Variants in FTO observed in about 807,000 individuals in gnomAD.
FTO encodes the protein alpha-ketoglutarate-dependent dioxygenase FTO.
A neutral mutation model predicts 63.9 loss-of-function variants in FTO; 47 were observed. The observed-to-expected ratio is 0.74, with a 90% CI of 0.58 to 0.94. FTO has a LOEUF of 0.94. FTO is among the 40% of genes least tolerant of loss of function. FTO has a pLI of 0.00. For missense variants in FTO, 562 were observed against 618.1 expected, an observed-to-expected ratio of 0.91 and a Z score of 0.96; for synonymous variants, 207 against 224.4, an observed-to-expected ratio of 0.92 and a Z score of 0.69.
intron 1 of FTO, among the ~76,000 whole-genome samples, chr16:53,741,130 C>T (rs1484029007): frequency 6.6e-6 from 1 of 152,150 alleles, no homozygotes; most frequent in African/African-American, 2.4e-5. Context: ...TGAAACATAG[C>T]CATGCTCATT....
chr16:53,904,025 G>A (rs920965122), intron 7 of FTO, among the ~76,000 whole-genome samples: 1 of 151,262 alleles, frequency 6.6e-6, no homozygotes, highest in African/African-American at 2.4e-5. Flanking sequence ...TATAAACATA[G>A]ACAATATACA....
At chr16:53,812,442 C>T (rs755546832) in intron 2 of FTO, among the ~76,000 whole-genome samples, 1 of 151,858 alleles carries the variant, frequency 6.6e-6, no homozygotes, top group South Asian at 2.1e-4. Flanking sequence ...AGGCTGGTCT[C>T]GAACTCCTGA....
chr16:53,723,772 C>G (rs918664566), intron 1 of FTO, among the ~76,000 whole-genome samples: 3 of 152,138 alleles, frequency 2.0e-5, no homozygotes, highest in Admixed American at 6.5e-5. Context: ...GAGTGGTAAC[C>G]TAGGTTTAGG....
intron 2 of FTO, among the ~76,000 whole-genome samples, chr16:53,824,405 TC>T (rs2151770362): frequency 6.6e-6 from 1 of 152,354 alleles, no homozygotes; most frequent in South Asian, 2.1e-4. Context: ...TGCCTTCTTT[TC>T]CTGAAGATCT....
rs138099503 is a variant in FTO at position 53,835,662 on chromosome 16, A to G, written c.752-8493A>G. ...GATATTTTTCACTCATTTTACTGTC[A>G]TTGTGTAGGGCTTTCAATCATGCCC... On this transcript the variant is annotated intron_variant, in intron 3 of 8. Coordinates refer to ENST00000471389, the MANE Select transcript of FTO (RefSeq NM_001080432.3). Among the ~76,000 whole-genome samples the G allele has an allele frequency of 2.0e-5, 3 of 151,834 alleles. No homozygotes were observed. In the East Asian group the frequency reaches 5.8e-4, roughly 29 times the overall value.
At chr16:53,905,378 A>T (rs1285997421) in intron 7 of FTO, among the ~76,000 whole-genome samples, 1 of 152,130 alleles carries the variant, frequency 6.6e-6, no homozygotes, top group African/African-American at 2.4e-5. Context: ...TAATAATAGT[A>T]TCTCCCTTAG....
chr16:53,854,851 A>G (rs2079933437), intron 4 of FTO, among the ~76,000 whole-genome samples: 1 of 152,034 alleles, frequency 6.6e-6, no homozygotes, highest in Admixed American at 6.5e-5. Context: ...GAATTGCATC[A>G]AGTCTGTAAA....
chr16:53,714,760 T>C (rs2075853290), intron 1 of FTO, among the ~76,000 whole-genome samples: 1 of 152,144 alleles, frequency 6.6e-6, no homozygotes, highest in Non-Finnish European at 1.5e-5. Flanking sequence ...ATTGTTCTCA[T>C]AAAACACGAT....
Position 53,777,289 on chromosome 16 carries a change from AT to A in FTO, c.46-32847del, listed in dbSNP as rs2077483255. Among the ~76,000 whole-genome samples the A allele has an allele frequency of 2.6e-5, 4 of 152,118 alleles. No individual in the cohort carries two copies. In the South Asian group the frequency reaches 8.3e-4, roughly 32 times the overall value. On this transcript the variant is annotated intron_variant, in intron 1 of 8. Transcript: ENST00000471389. ...TGAGTTTGACTTTTTTAGATTCCAT[AT>A]TTTAGGGAGATCTGTACCTGGCTTA...
chr16:53,731,876 T>A (rs1598512141), intron 1 of FTO, among the ~76,000 whole-genome samples: 1 of 151,290 alleles, frequency 6.6e-6, no homozygotes, highest in Non-Finnish European at 1.5e-5. Flanking sequence ...GCCTCCCGAG[T>A]AGCTGGGACT....
intron 3 of FTO, among the ~76,000 whole-genome samples, chr16:53,838,606 A>G (rs1380240286): frequency 6.6e-6 from 1 of 152,186 alleles, no homozygotes; most frequent in Non-Finnish European, 1.5e-5. Flanking sequence ...CCACCACACC[A>G]AGCTGAGAAT....
chr16:53,913,772 A>T (rs1350902876), intron 7 of FTO, among the ~76,000 whole-genome samples: 1 of 152,084 alleles, frequency 6.6e-6, no homozygotes, highest in African/African-American at 2.4e-5. Context: ...TGAGGTCAGG[A>T]GTTCAAGACC....
chr16:53,944,584 G>C (rs942372133), intron 8 of FTO, among the ~76,000 whole-genome samples: 2 of 152,152 alleles, frequency 1.3e-5, no homozygotes, highest in Non-Finnish European at 2.9e-5. Context: ...CAGATTGCCT[G>C]GGTTTGAATC....
intron 8 of FTO, among the ~76,000 whole-genome samples, chr16:53,965,345 A>G (rs887617215): frequency 3.3e-5 from 5 of 152,162 alleles, no homozygotes; most frequent in Non-Finnish European, 5.9e-5. Flanking sequence ...AAGTGCTAGG[A>G]TGACCCCCTT....
At chr16:53,848,249 T>C (rs2079690196) in intron 4 of FTO, among the ~76,000 whole-genome samples, 1 of 152,220 alleles carries the variant, frequency 6.6e-6, no homozygotes, top group Non-Finnish European at 1.5e-5. Context: ...CGTGCTGATA[T>C]CTGAAATCTG....
chr16:54,086,740 A>G (rs1400326146), intron 8 of FTO, among the ~76,000 whole-genome samples: 1 of 152,238 alleles, frequency 6.6e-6, no homozygotes, highest in Non-Finnish European at 1.5e-5. Context: ...TCTTCAATTT[A>G]GAGCTTGTTG....
chr16:53,814,230 G>C (rs1250438399), intron 2 of FTO, among the ~76,000 whole-genome samples: 1 of 152,180 alleles, frequency 6.6e-6, no homozygotes, highest in Non-Finnish European at 1.5e-5. Flanking sequence ...GAGAACTTCT[G>C]TTAGCTCATC....
intron 8 of FTO, among the ~76,000 whole-genome samples, chr16:53,942,661 A>C (rs1330218082): frequency 6.6e-6 from 1 of 152,164 alleles, no homozygotes; most frequent in Non-Finnish European, 1.5e-5. Context: ...CAGCACAGTT[A>C]TGAACTTTAG....
At chr16:53,985,602 C>A (rs566040063) in intron 8 of FTO, among the ~76,000 whole-genome samples, 1 of 152,298 alleles carries the variant, frequency 6.6e-6, no homozygotes, top group Admixed American at 6.5e-5. Flanking sequence ...TCCCCTCCTT[C>A]CTGCCCTGTT....
Sources: allele counts gnomAD v4.1 joint callset (sites outside exome capture counted in the v4.1 genomes callset), GRCh38; gene constraint gnomAD v4.1.1; transcripts MANE v1.5; gene names NCBI Gene and HGNC (gene_info 2026-07-23, HGNC 2026-07-21).